Variants in NEDD9 observed in about 807,000 individuals in gnomAD.
The protein encoded by NEDD9 is enhancer of filamentation 1.
NEDD9 carries 26 observed loss-of-function variants against 76.6 expected under a neutral mutation model. That is an observed-to-expected ratio of 0.34 (90% CI 0.25 to 0.47). The LOEUF is 0.47. Ranked by LOEUF, NEDD9 falls within the 20% of genes least tolerant of loss-of-function variation. NEDD9 has a pLI of 1.00. For synonymous variants in NEDD9, 392 were observed against 414.2 expected (o/e 0.95, Z 0.65); for missense variants, 937 against 1,058.5 (o/e 0.89, Z 1.59).
intron 3 of NEDD9, chr6:11,249,231 T>C (rs908134545): frequency 2.2e-6 from 1 of 454,862 alleles, no homozygotes; most frequent in African/African-American, 2.0e-5. Flanking sequence ...AAAACAAATA[T>C]ATATTGAGTC....
At chr6:11,194,765 G>C (rs77368367) in intron 2 of NEDD9, among the ~76,000 whole-genome samples, 3,040 of 152,292 alleles carry the variant, frequency 0.02, 47 homozygotes, top group Non-Finnish European at 0.029. Context: ...TGGAACCAGT[G>C]CCAATAAAAT....
intron 2 of NEDD9, among the ~76,000 whole-genome samples, chr6:11,315,963 A>G (rs1761542785): frequency 6.6e-6 from 1 of 152,226 alleles, no homozygotes; most frequent in African/African-American, 2.4e-5. Context: ...AGGCAGGGTT[A>G]TAAGTCCTTT....
chr6:11,202,831 C>T (rs1758491685), intron 2 of NEDD9, among the ~76,000 whole-genome samples: 1 of 152,110 alleles, frequency 6.6e-6, no homozygotes, highest in African/African-American at 2.4e-5. Flanking sequence ...GTTCTGATGC[C>T]TGATTTTATG....
chr6:11,296,573 T>C (rs1008367247), intron 3 of NEDD9, among the ~76,000 whole-genome samples: 2 of 152,212 alleles, frequency 1.3e-5, no homozygotes, highest in Non-Finnish European at 2.9e-5. Context: ...GGAACTGCAG[T>C]GAACTTGCAT....
At chr6:11,232,391 A>G in intron 1 of NEDD9, 113 bp downstream of exon 1, 3 of 1,355,434 alleles carry the variant, frequency 2.2e-6, no homozygotes, top group South Asian at 2.4e-5. Context: ...GACTCATCTT[A>G]GAACTCTCCG....
chr6:11,213,841 A>C lies in NEDD9; in HGVS notation c.13-114T>G. On this transcript the variant is annotated intron_variant, in intron 1 of 6. Coordinates refer to ENST00000379446, the MANE Select transcript of NEDD9 (RefSeq NM_006403.4). This position sits in a 1 kb window ranked among gnomAD's most constrained non-coding sequence, Gnocchi z 5.4. ...ACTTCCTGGAAAGAGAGAAGCATAA[A>C]TCTGAACAATAGACTGTAAGGAGAA... 1.1e-6 allele frequency: 1 copy of C among 917,368 alleles called. No individual in the cohort carries two copies. Among genetic ancestry groups the C allele is most frequent in the Non-Finnish European group, 1.6e-6 (1 of 606,380 alleles). The allele number at this position is 917,368 out of a possible 1,614,324, so 56.8% of individuals were successfully genotyped here.
rs145323334 is a variant in NEDD9, at chr6:11,336,995, C to T, written c.-213-2434G>A. On this transcript the variant is annotated intron_variant, in intron 1 of 3. Coordinates refer to the NEDD9 transcript ENST00000397378. Reference sequence around the variant, plus strand: ...CAGCACTTTGGGAGGCTGAGGCAGGCGGATCATGAGGTCAGGAGTACGAGA... The same window carrying T: ...CAGCACTTTGGGAGGCTGAGGCAGGTGGATCATGAGGTCAGGAGTACGAGA... Among the ~76,000 whole-genome samples the T allele has an allele frequency of 2.6e-4, 39 of 152,164 alleles. No homozygotes were observed. The South Asian group carries it at 7.9e-3, about 31-fold the overall frequency.
Position 11,252,214 on chromosome 6 carries a change from C to G in NEDD9, c.13-38487G>C, listed in dbSNP as rs1201764560. On this transcript the variant is annotated intron_variant, in intron 3 of 3. Transcript: ENST00000397378. The surrounding 1 kb of genome is among the most constrained non-coding windows in gnomAD (Gnocchi z 4.3). ...TATGCCAGCAGAGCCCTCTGGAGAG[C>G]TGACTGGTATTCTCATTTTCTACCA... Among the ~76,000 whole-genome samples, 3 of 152,148 alleles carry G rather than the reference C, an allele frequency of 2.0e-5. No homozygotes were observed. The highest frequency in any genetic ancestry group is 4.8e-5 in the African/African-American group (2 of 41,430).
At chr6:11,265,308 C>G (rs1369870387) in intron 3 of NEDD9, among the ~76,000 whole-genome samples, 1 of 152,148 alleles carries the variant, frequency 6.6e-6, no homozygotes, top group Non-Finnish European at 1.5e-5. Flanking sequence ...AAACGCTCAC[C>G]AAATATCAGC....
rs141417391 is a variant in NEDD9 at position 11,190,749 on chromosome 6, C to T, written c.1120G>A (p.Gly374Ser). 1,888 of 1,614,180 alleles carry T rather than the reference C, an allele frequency of 1.2e-3. 4 individuals carry two copies. Among genetic ancestry groups the T allele is most frequent in the Non-Finnish European group, 1.4e-3 (1,629 of 1,180,036 alleles). Reference protein sequence around the residue: ...GINRLSFSSTGSTRSNMSTSS... With the variant: ...GINRLSFSSTSSTRSNMSTSS... ...GTGGACATGTTACTCCGGGTGCTGCCTGTACTGGAGAAAGACAATCGGTTG... is the reference window on the plus strand; with the variant it reads ...GTGGACATGTTACTCCGGGTGCTGCTTGTACTGGAGAAAGACAATCGGTTG... The change falls in exon 5 of 7, where the codon GGC becomes AGC. Residue 374 changes from glycine (G) to serine (S), a missense_variant. Transcript: ENST00000379446. This position sits in a 1 kb window ranked among gnomAD's most constrained non-coding sequence, Gnocchi z 5.8.
At chr6:11,231,308 T>C (rs1472316618) in intron 1 of NEDD9, among the ~76,000 whole-genome samples, 2 of 152,222 alleles carry the variant, frequency 1.3e-5, no homozygotes, top group Non-Finnish European at 2.9e-5. Flanking sequence ...ACGTAGGCAT[T>C]ACTATAAAGA....
chr6:11,196,878 A>G (rs1212681715), intron 2 of NEDD9, among the ~76,000 whole-genome samples: 1 of 152,096 alleles, frequency 6.6e-6, no homozygotes, highest in East Asian at 1.9e-4. Flanking sequence ...CTACTTTTGG[A>G]CATTCTCTGC....
chr6:11,209,982 C>CTTTTTTTTTTTTT (rs1462229268), intron 2 of NEDD9, among the ~76,000 whole-genome samples: 7 of 42,106 alleles, frequency 1.7e-4, no homozygotes, highest in Admixed American at 4.6e-4. Context: ...TTTTTTTTTC[C>CTTTTTTTTTTTTT]TTAAGTGATT....
chr6:11,279,753 A>C (rs1760496175), intron 3 of NEDD9, among the ~76,000 whole-genome samples: 1 of 152,124 alleles, frequency 6.6e-6, no homozygotes, highest in Non-Finnish European at 1.5e-5. Flanking sequence ...AACAATTGCC[A>C]TTCCCACTGC....
chr6:11,192,798 T>C (rs764293335), intron 3 of NEDD9, among the ~76,000 whole-genome samples: 1 of 151,368 alleles, frequency 6.6e-6, no homozygotes, highest in Non-Finnish European at 1.5e-5. Context: ...CTGGGTGTGG[T>C]GGTGCACACC....
chr6:11,195,805 G>A (rs1442582251), intron 2 of NEDD9, among the ~76,000 whole-genome samples: 1 of 152,178 alleles, frequency 6.6e-6, no homozygotes. Flanking sequence ...GACCAGCCTG[G>A]CCAACATGGT....
chr6:11,375,968 G>A (rs1190328791), intron 1 of NEDD9, among the ~76,000 whole-genome samples: 1 of 152,102 alleles, frequency 6.6e-6, no homozygotes, highest in African/African-American at 2.4e-5. Flanking sequence ...GGGACTACAG[G>A]CGCCCGTCAC....
At chr6:11,375,815 CCTTTTTT>C (rs1181076330) in intron 1 of NEDD9, among the ~76,000 whole-genome samples, 2 of 151,746 alleles carry the variant, frequency 1.3e-5, no homozygotes, top group Non-Finnish European at 2.9e-5. Context: ...GTCAATCAAC[CCTTTTTT>C]CTTTTTTCTT....
At chr6:11,279,304 T>A (rs1760481400) in intron 3 of NEDD9, among the ~76,000 whole-genome samples, 1 of 152,230 alleles carries the variant, frequency 6.6e-6, no homozygotes, top group Admixed American at 6.5e-5. Flanking sequence ...AGATGAGAAG[T>A]TCACTTGCTC....
Sources: allele counts gnomAD v4.1 joint callset (sites outside exome capture counted in the v4.1 genomes callset), GRCh38; gene constraint gnomAD v4.1.1; non-coding constraint Gnocchi (gnomAD v3.1); transcripts MANE v1.5; gene names NCBI Gene and HGNC (gene_info 2026-07-23, HGNC 2026-07-21).